MON2: variants seen among roughly 807,000 people sequenced by gnomAD.
The protein encoded by MON2 is MON2 regulator of endosome-to-Golgi trafficking, also known as protein MON2 homolog.
MON2 carries 84 observed loss-of-function variants against 208.6 expected under a neutral mutation model. That is an observed-to-expected ratio of 0.40 (90% confidence interval 0.34 to 0.48). The LOEUF (loss-of-function observed/expected upper bound fraction) is 0.48. MON2 is among the 20% of genes least tolerant of loss of function. MON2 has a pLI of 0.59. For synonymous variants in MON2, 660 were observed against 694.0 expected (o/e 0.95, Z 0.77); for missense variants, 1,611 against 2,015.4 (o/e 0.80, Z 3.84).
intron 30 of MON2, among the ~76,000 whole-genome samples, chr12:62,576,778 G>A (rs1301394772): frequency 4.0e-5 from 6 of 151,604 alleles, no homozygotes; most frequent in African/African-American, 1.5e-4. Flanking sequence ...TAGTTATCCA[G>A]TTTTTAGTTT....
chr12:62,597,800 C>G lies in MON2; in HGVS notation c.*5051C>G, dbSNP rs953962681. ...TGGCGTGGTGGCCCACACCTGTAAT[C>G]CCAGCACTTTGGGAAGCCAAGGTGG... On this transcript the variant is annotated 3_prime_UTR_variant, in exon 35 of 35. Transcript: ENST00000393630. The G allele has an allele frequency of 5.3e-5, 8 of 152,180 alleles. No homozygotes were observed. The highest frequency in any genetic ancestry group is 5.2e-4 in the Admixed American group (8 of 15,282). 9.4% of individuals were successfully genotyped at this position (152,180 alleles called of 1,614,324 possible).
intron 24 of MON2, among the ~76,000 whole-genome samples, chr12:62,554,153 T>C (rs1159468172): frequency 1.3e-5 from 2 of 152,250 alleles, no homozygotes; most frequent in Non-Finnish European, 1.5e-5. Flanking sequence ...CTAATTTTCC[T>C]TTCAAGCAAC....
chr12:62,499,825 A>G (rs985353298), intron 5 of MON2, among the ~76,000 whole-genome samples: 2 of 151,948 alleles, frequency 1.3e-5, no homozygotes, highest in African/African-American at 4.8e-5. Flanking sequence ...GTGAGCTGTG[A>G]TTGCACCACT....
chr12:62,476,225 A>G (rs572106147), intron 1 of MON2, among the ~76,000 whole-genome samples: 3 of 152,044 alleles, frequency 2.0e-5, no homozygotes, highest in African/African-American at 7.3e-5. Flanking sequence ...TACAGAAGAA[A>G]ATCTTATTGA....
intron 12 of MON2, among the ~76,000 whole-genome samples, chr12:62,534,278 T>C (rs2072801230): frequency 6.6e-6 from 1 of 151,382 alleles, no homozygotes; most frequent in Non-Finnish European, 1.5e-5. Flanking sequence ...CCCAGTAGTT[T>C]GGGAGGCCGA....
Position 62,597,951 on chromosome 12 carries a change from ATTTG to A in MON2, c.*5206_*5209del, listed in dbSNP as rs2075560709. 1 of 151,996 alleles carries A rather than the reference ATTTG, an allele frequency of 6.6e-6. No homozygotes were observed. Among genetic ancestry groups the A allele is most frequent in the African/African-American group, 2.4e-5 (1 of 41,388 alleles). 9.4% of individuals were successfully genotyped at this position (151,996 alleles called of 1,614,324 possible). ...TATGATTTTGGGGGGTGGGGGAGAT[ATTTG>A]TTTTTTTGAGGCAGACGTTTAAACT... On this transcript the variant is annotated 3_prime_UTR_variant, in exon 35 of 35. Coordinates refer to ENST00000393630, the MANE Select transcript of MON2 (RefSeq NM_015026.3).
At chr12:62,502,211 C>G (rs1045624281) in intron 7 of MON2, among the ~76,000 whole-genome samples, 2 of 151,896 alleles carry the variant, frequency 1.3e-5, no homozygotes, top group African/African-American at 2.4e-5. Flanking sequence ...CAGAGCAAGA[C>G]TCTGTCTCAA....
intron 11 of MON2, among the ~76,000 whole-genome samples, chr12:62,529,824 TG>T (rs1231479030): frequency 6.6e-6 from 1 of 152,218 alleles, no homozygotes; most frequent in African/African-American, 2.4e-5. Context: ...AATGTTATTT[TG>T]TGTCATACTT....
Position 62,484,187 on chromosome 12 carries a change from A to G in MON2, c.129A>G (p.Ile43Met). 4 of 1,600,256 alleles carry G rather than the reference A, an allele frequency of 2.5e-6. No individual in the cohort carries two copies. Among genetic ancestry groups the G allele is most frequent in the Non-Finnish European group, 3.4e-6 (4 of 1,174,050 alleles). ...TCTTGCAGGCTGCTGAATCAGGAAT[A>G]ATAAAAGTTAAAACAATTGCTGCAC... ...PPVKEAAESG[I>M]IKVKTIAARN... Residue 43 changes from isoleucine to methionine, a missense_variant, in exon 2 of 35, where the codon ATA becomes ATG. Coordinates refer to ENST00000393630, the MANE Select transcript of MON2 (RefSeq NM_015026.3).
chr12:62,501,686 G>A lies in MON2; in HGVS notation c.777G>A (p.Gln259=). 2 of 1,614,078 alleles carry A rather than the reference G, an allele frequency of 1.2e-6. No individual in the cohort carries two copies. Among genetic ancestry groups the A allele is most frequent in the South Asian group, 1.1e-5 (1 of 91,070 alleles). Residue 259 remains glutamine (Q), a synonymous_variant, in exon 7 of 35, where the codon CAG becomes CAA. Coordinates refer to ENST00000393630, the MANE Select transcript of MON2 (RefSeq NM_015026.3). The part of the protein sequence containing the change: ...LLESVLNDFP[Q]VFLQHQEFSF... Reference sequence around the variant, plus strand: ...AGTCAGTCCTCAATGATTTTCCGCAGGTCTTTTTACAAGTAAGCCATTTAT... The same window carrying A: ...AGTCAGTCCTCAATGATTTTCCGCAAGTCTTTTTACAAGTAAGCCATTTAT...
chr12:62,490,121 G>A (rs1053368207), intron 2 of MON2: 1 of 447,298 alleles, frequency 2.2e-6, no homozygotes, highest in Admixed American at 4.2e-5. Flanking sequence ...TTTCAGGTGT[G>A]TGAAAGTGCA....
At chr12:62,586,151 T>G (rs2075213843) in intron 33 of MON2, among the ~76,000 whole-genome samples, 1 of 152,238 alleles carries the variant, frequency 6.6e-6, no homozygotes. Context: ...TTTTATAATG[T>G]GGAAATTAGA....
Position 62,554,002 on chromosome 12 carries a change from G to T in MON2, c.3210+828G>T, listed in dbSNP as rs537677107. On this transcript the variant is annotated intron_variant, in intron 24 of 34. Coordinates refer to ENST00000393630, the MANE Select transcript of MON2 (RefSeq NM_015026.3). ...GGTTCAAGACCAACCTGGCCAATAT[G>T]GTGAAACCCCATATCTATTATAGTA... Among the ~76,000 whole-genome samples, 24 of 152,244 alleles carry T rather than the reference G, an allele frequency of 1.6e-4. No homozygotes were observed. In the South Asian group the frequency reaches 5.0e-3, roughly 32 times the overall value.
intron 30 of MON2, among the ~76,000 whole-genome samples, chr12:62,577,064 C>G (rs945381008): frequency 6.6e-6 from 1 of 151,824 alleles, no homozygotes; most frequent in Non-Finnish European, 1.5e-5. Flanking sequence ...TCCTTAGTTA[C>G]CTCCACCATC....
intron 2 of MON2, among the ~76,000 whole-genome samples, chr12:62,486,896 G>A (rs563585568): frequency 6.6e-6 from 1 of 152,150 alleles, no homozygotes; most frequent in South Asian, 2.1e-4. Context: ...TTGTAAGAAT[G>A]ATAACTTTTA....
At chr12:62,503,564 G>T (rs2070948523) in intron 7 of MON2, among the ~76,000 whole-genome samples, 1 of 152,148 alleles carries the variant, frequency 6.6e-6, no homozygotes, top group Non-Finnish European at 1.5e-5. Flanking sequence ...TTGTAAATTG[G>T]TTCAGTTGAT....
intron 1 of MON2, among the ~76,000 whole-genome samples, chr12:62,478,669 G>T (rs1252922230): frequency 6.6e-6 from 1 of 152,112 alleles, no homozygotes; most frequent in Non-Finnish European, 1.5e-5. Flanking sequence ...TCAATGACTG[G>T]GTAGGTCCAT....
At chr12:62,519,082 A>G (rs528624869) in intron 8 of MON2, among the ~76,000 whole-genome samples, 197 of 152,294 alleles carry the variant, frequency 1.3e-3, no homozygotes, top group Non-Finnish European at 2.2e-3. Context: ...AGACTGCTTT[A>G]TACTCTTTTA....
intron 23 of MON2, among the ~76,000 whole-genome samples, chr12:62,551,944 A>C (rs2073764494): frequency 6.6e-6 from 1 of 152,162 alleles, no homozygotes; most frequent in South Asian, 2.1e-4. Flanking sequence ...GCATCTGTAG[A>C]TTCAACCAAC....
Sources: gnomAD v4.1 joint callset for allele counts (sites outside exome capture counted in the v4.1 genomes callset) on GRCh38, gnomAD v4.1.1 for gene constraint, MANE v1.5 for transcripts, NCBI Gene and HGNC (gene_info 2026-07-23, HGNC 2026-07-21) for gene names.